Variants in CSMD1 observed in about 807,000 individuals in gnomAD.
CSMD1 encodes the protein CUB and sushi domain-containing protein 1.
A neutral mutation model predicts 417.5 loss-of-function variants in CSMD1; 213 were observed. That is an observed-to-expected ratio of 0.51 (90% CI 0.46 to 0.57). CSMD1 has a LOEUF of 0.57. CSMD1 is among the 20% of genes least tolerant of loss of function. The pLI, the probability that CSMD1 is intolerant of heterozygous loss-of-function variation, is 0.00. For synonymous variants in CSMD1, 2,862 were observed against 1,736.8 expected (o/e 1.65, Z -16.11); for missense variants, 6,923 against 4,529.7 (o/e 1.53, Z -15.17).
chr8:4,901,376 T>C (rs888517905), intron 1 of CSMD1, among the ~76,000 whole-genome samples: 15 of 152,214 alleles, frequency 9.9e-5, no homozygotes, highest in Non-Finnish European at 1.9e-4. Flanking sequence ...AGAAGACTAT[T>C]GCAGTTAGGA....
chr8:4,469,200 A>C (rs1197484753), intron 2 of CSMD1, among the ~76,000 whole-genome samples: 1 of 152,140 alleles, frequency 6.6e-6, no homozygotes, highest in African/African-American at 2.4e-5. Context: ...CCTAGAAATT[A>C]CCTCTCCAAG....
chr8:3,741,685 T>A (rs17067299), intron 6 of CSMD1, among the ~76,000 whole-genome samples: 12,695 of 152,222 alleles, frequency 0.083, 565 homozygotes, highest in East Asian at 0.14. Flanking sequence ...ACTGGGAAAT[T>A]AACACTACAC....
intron 6 of CSMD1, among the ~76,000 whole-genome samples, chr8:3,729,127 T>G (rs754955160): frequency 2.6e-5 from 4 of 152,218 alleles, no homozygotes; most frequent in Admixed American, 6.5e-5. Context: ...TAGACAACTT[T>G]CAGAAAACTC....
At chr8:3,465,564 G>A (rs1031963249) in intron 12 of CSMD1, among the ~76,000 whole-genome samples, 12 of 152,094 alleles carry the variant, frequency 7.9e-5, no homozygotes, top group Admixed American at 3.9e-4. Context: ...AGACAACAGT[G>A]CCCAAGGTAG....
intron 2 of CSMD1, among the ~76,000 whole-genome samples, chr8:4,464,814 G>A (rs567656331): frequency 1.2e-4 from 19 of 152,188 alleles, no homozygotes; most frequent in East Asian, 3.9e-4. Context: ...GATTCTCTTT[G>A]AAGTTTTGGG....
chr8:3,350,086 TATAATA>T (rs1033721088), intron 21 of CSMD1, among the ~76,000 whole-genome samples: 1 of 127,762 alleles, frequency 7.8e-6, no homozygotes, highest in African/African-American at 3.3e-5. Flanking sequence ...TTATAATACC[TATAATA>T]ACCTATAATA....
intron 1 of CSMD1, among the ~76,000 whole-genome samples, chr8:4,732,540 T>A (rs746765901): frequency 6.6e-6 from 1 of 152,088 alleles, no homozygotes; most frequent in Non-Finnish European, 1.5e-5. Context: ...TGCAATGCAA[T>A]TGAATTTTAT....
chr8:3,705,043 A>G (rs922539638), intron 7 of CSMD1, among the ~76,000 whole-genome samples: 2 of 152,208 alleles, frequency 1.3e-5, no homozygotes, highest in African/African-American at 4.8e-5. Context: ...TATCACCATG[A>G]CAGGGTCCCA....
intron 5 of CSMD1, among the ~76,000 whole-genome samples, chr8:3,769,011 G>A (rs1048531498): frequency 3.3e-5 from 5 of 152,240 alleles, no homozygotes; most frequent in African/African-American, 4.8e-5. Flanking sequence ...CAGCACACCT[G>A]GGGAGGGCGT....
At chr8:3,640,214 A>C (rs774907569) in intron 7 of CSMD1, among the ~76,000 whole-genome samples, 6 of 152,210 alleles carry the variant, frequency 3.9e-5, no homozygotes, top group Non-Finnish European at 8.8e-5. Context: ...GGGAGGCATC[A>C]ATGTGCTGAG....
At chr8:3,896,846 C>T (rs2688379) in intron 5 of CSMD1, among the ~76,000 whole-genome samples, 60,688 of 151,622 alleles carry the variant, frequency 0.4, 16,804 homozygotes, top group African/African-American at 0.79. Context: ...AAATAAATGT[C>T]AGGAAAAAAA....
chr8:4,678,524 T>C (rs924945707), intron 1 of CSMD1, among the ~76,000 whole-genome samples: 1 of 152,210 alleles, frequency 6.6e-6, no homozygotes, highest in African/African-American at 2.4e-5. Flanking sequence ...AGAATTAATG[T>C]TCAGTGAATT....
chr8:4,432,205 A>C (rs1797910676), intron 2 of CSMD1, among the ~76,000 whole-genome samples: 1 of 152,134 alleles, frequency 6.6e-6, no homozygotes. Context: ...GTAAAATTGG[A>C]ATTTAAAAAT....
intron 7 of CSMD1, among the ~76,000 whole-genome samples, chr8:3,636,337 C>T (rs1248005588): frequency 2.0e-5 from 3 of 152,174 alleles, no homozygotes; most frequent in African/African-American, 4.8e-5. Context: ...GCCACCACGC[C>T]TGGCTAATTT....
At chr8:3,534,071 T>G (rs1173608921) in intron 10 of CSMD1, among the ~76,000 whole-genome samples, 1 of 152,192 alleles carries the variant, frequency 6.6e-6, no homozygotes, top group Non-Finnish European at 1.5e-5. Context: ...TTGACTTCCT[T>G]TGAAATGATT....
chr8:4,015,682 A>AAAC (rs1554516952), intron 4 of CSMD1, among the ~76,000 whole-genome samples: 41 of 151,032 alleles, frequency 2.7e-4, no homozygotes, highest in African/African-American at 1.0e-3. Flanking sequence ...AAAAAAAAAA[A>AAAC]ACTCAAGACA....
chr8:4,444,730 T>C (rs1482303250), intron 2 of CSMD1, among the ~76,000 whole-genome samples: 1 of 152,132 alleles, frequency 6.6e-6, no homozygotes, highest in Non-Finnish European at 1.5e-5. Context: ...AGGAAAATAA[T>C]GAGGTAAAAT....
chr8:3,263,622 T>C (rs989957917), intron 26 of CSMD1, among the ~76,000 whole-genome samples: 6 of 152,214 alleles, frequency 3.9e-5, no homozygotes, highest in Non-Finnish European at 7.3e-5. Context: ...AATTATATTT[T>C]TGAGAGATTG....
intron 2 of CSMD1, among the ~76,000 whole-genome samples, chr8:4,521,757 G>C (rs960174999): frequency 1.3e-5 from 2 of 152,122 alleles, no homozygotes; most frequent in Non-Finnish European, 2.9e-5. Context: ...GCATAGATTA[G>C]AGAAAGCTCT....
Sources: gnomAD v4.1 joint callset for allele counts (sites outside exome capture counted in the v4.1 genomes callset) on GRCh38, gnomAD v4.1.1 for gene constraint, MANE v1.5 for transcripts, NCBI Gene and HGNC (gene_info 2026-07-23, HGNC 2026-07-21) for gene names.